TMCO5A: variants seen among roughly 807,000 people sequenced by gnomAD.
TMCO5A encodes the protein transmembrane and coiled-coil domains 5A.
In TMCO5A, 34 loss-of-function variants were observed where a neutral mutation model predicts 42.3. The ratio of observed to expected loss-of-function variants is 0.80; its 90% CI spans 0.61 to 1.07. The LOEUF is 1.07. Ranked by LOEUF, TMCO5A falls within the 50% of genes least tolerant of loss-of-function variation. The probability of loss-of-function intolerance (pLI) is 0.00; values close to 1 mark genes in which losing one functional copy is unlikely to be tolerated. For missense variants in TMCO5A, 357 were observed against 327.9 expected (o/e 1.09, Z -0.69); for synonymous variants, 131 against 115.6 (o/e 1.13, Z -0.86).
At chr15:37,942,286 T>C in intron 9 of TMCO5A, 31 bp downstream of exon 9, 1 of 1,604,222 alleles carries the variant, frequency 6.2e-7, no homozygotes, top group Non-Finnish European at 8.5e-7. Flanking sequence ...ATCCTGGTTT[T>C]GGTAGAAACT....
the TMCO5A span, among the ~76,000 whole-genome samples, chr15:38,010,627 G>A: frequency 6.6e-6 from 1 of 152,080 alleles, no homozygotes; most frequent in Non-Finnish European, 1.5e-5. Flanking sequence ...ACTGATTTTG[G>A]ACATCTGGCC....
the TMCO5A span, among the ~76,000 whole-genome samples, chr15:38,023,610 T>C: frequency 6.6e-6 from 1 of 152,166 alleles, no homozygotes; most frequent in African/African-American, 2.4e-5. Context: ...CAATCCGATT[T>C]AAGTGGAGAG....
At chr15:37,987,342 CT>C in the TMCO5A span, among the ~76,000 whole-genome samples, 1 of 151,764 alleles carries the variant, frequency 6.6e-6, no homozygotes, top group Non-Finnish European at 1.5e-5. Context: ...TGTGGGTTGC[CT>C]TTTTACTCTG....
chr15:37,955,067 C>A (rs142998206), downstream of TMCO5A, among the ~76,000 whole-genome samples: 404 of 151,774 alleles, frequency 2.7e-3, 2 homozygotes, highest in Middle Eastern at 0.017. Context: ...AAGGAAACAA[C>A]AAAATGGCAG....
chr15:37,951,305 T>C lies in TMCO5A; in HGVS notation c.*71T>C. The C allele has an allele frequency of 6.8e-7, 1 of 1,466,860 alleles. No homozygotes were observed. Among genetic ancestry groups the C allele is most frequent in the African/African-American group, 1.4e-5 (1 of 71,430 alleles). 90.9% of individuals were successfully genotyped at this position (1,466,860 alleles called of 1,614,324 possible). ...AGCCTGTAGAAGGGAGGCATGAAACTTGTGGAGGAAAGAGATTTGCTTCAG... is the reference window on the plus strand; with the variant it reads ...AGCCTGTAGAAGGGAGGCATGAAACCTGTGGAGGAAAGAGATTTGCTTCAG... On this transcript the variant is annotated 3_prime_UTR_variant, in exon 12 of 12. Coordinates refer to ENST00000319669, the MANE Select transcript of TMCO5A (RefSeq NM_152453.4).
chr15:37,959,539 AAATC>A (rs1890370814), intron 11 of TMCO5A, among the ~76,000 whole-genome samples: 1 of 152,088 alleles, frequency 6.6e-6, no homozygotes, highest in African/African-American at 2.4e-5. Context: ...CGACATACAC[AAATC>A]AATCAATGTG....
intron 11 of TMCO5A, among the ~76,000 whole-genome samples, chr15:37,960,165 C>T (rs1890386769): frequency 6.6e-6 from 1 of 151,486 alleles, no homozygotes; most frequent in African/African-American, 2.4e-5. Flanking sequence ...TTTTTCCCTA[C>T]ATTTTTGTCC....
At chr15:37,974,214 G>A in the TMCO5A span, among the ~76,000 whole-genome samples, 74 of 152,142 alleles carry the variant, frequency 4.9e-4, no homozygotes, top group African/African-American at 1.7e-3. Flanking sequence ...ATATTCTCCT[G>A]AGGCTTTCCT....
chr15:38,022,805 A>C, the TMCO5A span, among the ~76,000 whole-genome samples: 1 of 152,144 alleles, frequency 6.6e-6, no homozygotes, highest in Non-Finnish European at 1.5e-5. Context: ...TTTTGTTGTA[A>C]ATGTAAAACT....
downstream of TMCO5A, among the ~76,000 whole-genome samples, chr15:37,953,718 A>C (rs1199094799): frequency 6.6e-6 from 1 of 152,094 alleles, no homozygotes; most frequent in Non-Finnish European, 1.5e-5. Context: ...AAACTAAAGT[A>C]AGGCACCAGG....
the TMCO5A span, among the ~76,000 whole-genome samples, chr15:38,019,362 A>G: frequency 6.6e-6 from 1 of 152,220 alleles, no homozygotes; most frequent in Admixed American, 6.5e-5. Context: ...GCTAACTAGA[A>G]TATTTATTTT....
the TMCO5A span, among the ~76,000 whole-genome samples, chr15:38,011,330 C>G: frequency 2.6e-5 from 4 of 152,156 alleles, no homozygotes; most frequent in Admixed American, 2.6e-4. Context: ...TCTTGTCACA[C>G]GTGTCCCTTC....
the TMCO5A span, among the ~76,000 whole-genome samples, chr15:37,975,727 C>T: frequency 6.6e-6 from 1 of 150,934 alleles, no homozygotes. Flanking sequence ...GGGCATTTAG[C>T]CAATTTACAT....
At chr15:38,019,561 C>A in the TMCO5A span, among the ~76,000 whole-genome samples, 21 of 152,116 alleles carry the variant, frequency 1.4e-4, no homozygotes, top group Non-Finnish European at 2.5e-4. Context: ...ACATTCACAA[C>A]CTCCCCCACT....
chr15:38,002,308 T>A, the TMCO5A span, among the ~76,000 whole-genome samples: 1 of 152,064 alleles, frequency 6.6e-6, no homozygotes, highest in Admixed American at 6.5e-5. Flanking sequence ...CTTGAGGTAG[T>A]CTCATTTGGA....
chr15:38,011,396 CGAGA>C, the TMCO5A span, among the ~76,000 whole-genome samples: 25 of 152,018 alleles, frequency 1.6e-4, no homozygotes, highest in South Asian at 8.3e-4. Context: ...TGACAGTGAT[CGAGA>C]GAGAGAGAGT....
the TMCO5A span, among the ~76,000 whole-genome samples, chr15:38,023,073 G>C: frequency 6.6e-6 from 1 of 152,092 alleles, no homozygotes; most frequent in African/African-American, 2.4e-5. Context: ...TGAGTCTAAA[G>C]ATCATCTGGA....
chr15:37,938,815 G>A (rs1372640613), intron 6 of TMCO5A, among the ~76,000 whole-genome samples: 1 of 151,972 alleles, frequency 6.6e-6, no homozygotes, highest in Non-Finnish European at 1.5e-5. Flanking sequence ...TACCTGCTAA[G>A]CACATCATAC....
chr15:37,967,042 A>C (rs950743922), exon 12 of TMCO5A: 3 of 196,792 alleles, frequency 1.5e-5, no homozygotes, highest in Non-Finnish European at 3.1e-5. Context: ...AAAAATTATA[A>C]CTTCTAAAGA....
Sources: gnomAD v4.1 joint callset for allele counts (sites outside exome capture counted in the v4.1 genomes callset) on GRCh38, gnomAD v4.1.1 for gene constraint, MANE v1.5 for transcripts, NCBI Gene and HGNC (gene_info 2026-07-23, HGNC 2026-07-21) for gene names.